Variants in ARHGEF3 observed in about 807,000 individuals in gnomAD.
ARHGEF3 encodes the protein 59.8 kDA protein.
Under a neutral mutation model 63.2 loss-of-function variants are expected in ARHGEF3, and 28 were observed. The observed-to-expected ratio is 0.44, with a 90% confidence interval of 0.33 to 0.61. The LOEUF (loss-of-function observed/expected upper bound fraction) is 0.61, where lower values mean the gene tolerates loss of function less well. ARHGEF3 is among the 20% of genes least tolerant of loss of function. The probability of loss-of-function intolerance (pLI) is 0.03; values close to 1 mark genes in which losing one functional copy is unlikely to be tolerated. For synonymous variants in ARHGEF3, 266 were observed against 254.2 expected, an observed-to-expected ratio of 1.05 and a Z score of -0.44; for missense variants, 533 against 659.3, an observed-to-expected ratio of 0.81 and a Z score of 2.10.
intron 3 of ARHGEF3, among the ~76,000 whole-genome samples, chr3:56,909,947 G>A (rs1421815291): frequency 6.6e-6 from 1 of 152,154 alleles, no homozygotes; most frequent in Non-Finnish European, 1.5e-5. Flanking sequence ...GAGACATCAT[G>A]TGTTTCTGCT....
chr3:56,826,077 T>C (rs2038703910), intron 4 of ARHGEF3, among the ~76,000 whole-genome samples: 1 of 152,164 alleles, frequency 6.6e-6, no homozygotes, highest in Non-Finnish European at 1.5e-5. Flanking sequence ...GGGGGTAAGC[T>C]TGGCACTCAT....
rs1171052383 is a variant in ARHGEF3 at position 56,794,412 on chromosome 3, C to T, written c.96+7291G>A. ...CTCAGACAGGAGAACAGCTTGAACC[C>T]GGGAGGCAGAGGTTGCAATAAGCTG... On this transcript the variant is annotated intron_variant, in intron 1 of 9. Coordinates refer to ENST00000296315, the MANE Select transcript of ARHGEF3 (RefSeq NM_019555.3). Among the ~76,000 whole-genome samples, 9 of 148,344 alleles carry T rather than the reference C, an allele frequency of 6.1e-5. No individual in the cohort carries two copies. In the South Asian group the frequency reaches 6.4e-4, roughly 11 times the overall value.
intron 2 of ARHGEF3, among the ~76,000 whole-genome samples, chr3:57,010,534 C>T (rs1043929224): frequency 6.6e-6 from 1 of 151,166 alleles, no homozygotes; most frequent in Non-Finnish European, 1.5e-5. Flanking sequence ...TGTACATTGA[C>T]ATCTACATAT....
chr3:56,895,102 G>A (rs1396236190), intron 3 of ARHGEF3, among the ~76,000 whole-genome samples: 2 of 151,690 alleles, frequency 1.3e-5, no homozygotes, highest in Non-Finnish European at 2.9e-5. Context: ...CTCCCTCCCT[G>A]TAATTTGGGG....
At chr3:57,025,669 C>T (rs888720257) in intron 2 of ARHGEF3, among the ~76,000 whole-genome samples, 2 of 152,212 alleles carry the variant, frequency 1.3e-5, no homozygotes, top group Non-Finnish European at 2.9e-5. Flanking sequence ...ATTCAGGGCT[C>T]CTTTCCATCA....
chr3:56,846,402 A>G (rs2039493564), intron 4 of ARHGEF3, among the ~76,000 whole-genome samples: 1 of 151,334 alleles, frequency 6.6e-6, no homozygotes, highest in Non-Finnish European at 1.5e-5. Flanking sequence ...AAGTGCAACG[A>G]CAAGTAACAG....
chr3:56,816,601 T>G (rs1325230975), intron 4 of ARHGEF3, among the ~76,000 whole-genome samples: 1 of 152,020 alleles, frequency 6.6e-6, no homozygotes, highest in Non-Finnish European at 1.5e-5. Context: ...GCCGAAGAGG[T>G]GTTTGCTCTC....
At chr3:57,034,682 G>T (rs1327793235) in intron 2 of ARHGEF3, among the ~76,000 whole-genome samples, 2 of 116,124 alleles carry the variant, frequency 1.7e-5, no homozygotes, top group Non-Finnish European at 3.3e-5. Flanking sequence ...TTTTTGACAA[G>T]GTCTCACTCT....
At chr3:57,050,913 C>T (rs1213774265) in intron 1 of ARHGEF3, among the ~76,000 whole-genome samples, 1 of 152,208 alleles carries the variant, frequency 6.6e-6, no homozygotes, top group Admixed American at 6.5e-5. Context: ...GCATCCTTCC[C>T]TATTAGCAAA....
intron 2 of ARHGEF3, among the ~76,000 whole-genome samples, chr3:56,981,433 G>C (rs942978891): frequency 2.0e-5 from 3 of 152,246 alleles, no homozygotes; most frequent in African/African-American, 7.2e-5. Flanking sequence ...GTGTAGGTAG[G>C]TGCCACCAGC....
At chr3:56,798,591 G>A (rs552941507) in intron 1 of ARHGEF3, among the ~76,000 whole-genome samples, 223 of 149,090 alleles carry the variant, frequency 1.5e-3, no homozygotes, top group Non-Finnish European at 2.6e-3. Flanking sequence ...ACCTCACTAC[G>A]GGGAAATATT....
chr3:56,909,536 T>G (rs2041798252), intron 3 of ARHGEF3, among the ~76,000 whole-genome samples: 1 of 152,224 alleles, frequency 6.6e-6, no homozygotes, highest in Non-Finnish European at 1.5e-5. Flanking sequence ...GCCTTGCACT[T>G]GTCTGACCCG....
intron 7 of ARHGEF3, among the ~76,000 whole-genome samples, chr3:56,744,190 T>C (rs1011825962): frequency 2.6e-5 from 4 of 152,068 alleles, no homozygotes; most frequent in African/African-American, 9.7e-5. Context: ...GTCATTTCCT[T>C]ATACCTTTGC....
chr3:56,888,345 T>C (rs1356010818), intron 3 of ARHGEF3, among the ~76,000 whole-genome samples: 1 of 152,094 alleles, frequency 6.6e-6, no homozygotes, highest in Non-Finnish European at 1.5e-5. Flanking sequence ...GAGCAAGTAA[T>C]CCAAGATTGA....
chr3:56,957,085 T>C (rs1700076692), intron 3 of ARHGEF3, among the ~76,000 whole-genome samples: 1 of 152,206 alleles, frequency 6.6e-6, no homozygotes, highest in Admixed American at 6.5e-5. Context: ...TACTTAATGG[T>C]TATGATCACA....
At chr3:56,820,205 G>A (rs902008817) in intron 4 of ARHGEF3, among the ~76,000 whole-genome samples, 1 of 152,134 alleles carries the variant, frequency 6.6e-6, no homozygotes, top group Non-Finnish European at 1.5e-5. Context: ...TACTGCCAGG[G>A]GAGGCCAGTA....
intron 3 of ARHGEF3, among the ~76,000 whole-genome samples, chr3:56,926,938 G>A (rs139162324): frequency 3.9e-5 from 6 of 152,308 alleles, no homozygotes; most frequent in African/African-American, 1.2e-4. Context: ...CAGGCCCCAG[G>A]GAATGCTGTG....
At chr3:56,898,396 A>G (rs1331264488) in intron 3 of ARHGEF3, among the ~76,000 whole-genome samples, 1 of 151,782 alleles carries the variant, frequency 6.6e-6, no homozygotes, top group Non-Finnish European at 1.5e-5. Context: ...TTTAGTGGAG[A>G]GGGGGTTTCA....
chr3:56,918,564 A>G (rs528420294), intron 3 of ARHGEF3, among the ~76,000 whole-genome samples: 74 of 22,766 alleles, frequency 3.3e-3, no homozygotes, highest in African/African-American at 5.7e-3. Flanking sequence ...CTGGCAGGGG[A>G]AAGGGATGCA....
Sources: allele counts gnomAD v4.1 joint callset (sites outside exome capture counted in the v4.1 genomes callset), GRCh38; gene constraint gnomAD v4.1.1; transcripts MANE v1.5; gene names NCBI Gene and HGNC (gene_info 2026-07-23, HGNC 2026-07-21).